The following LEPR variants were observed in gnomAD, a reference collection of about 807,000 sequenced individuals.
LEPR encodes leptin receptor, also known as OB receptor.
In LEPR, 56 loss-of-function variants were observed where a neutral mutation model predicts 114.7. The ratio of observed to expected loss-of-function variants is 0.49; its 90% CI spans 0.39 to 0.61. LEPR has a LOEUF of 0.61. LEPR is among the 20% of genes least tolerant of loss of function. The pLI, the probability that LEPR is intolerant of heterozygous loss-of-function variation, is 0.00. For missense variants in LEPR, 1,202 were observed against 1,352.9 expected, an observed-to-expected ratio of 0.89 and a Z score of 1.75; for synonymous variants, 443 against 461.4, an observed-to-expected ratio of 0.96 and a Z score of 0.51.
At chr1:65,555,952 C>G (rs933905697) in intron 2 of LEPR, among the ~76,000 whole-genome samples, 2 of 152,144 alleles carry the variant, frequency 1.3e-5, no homozygotes, top group Admixed American at 1.3e-4. Flanking sequence ...TTTTAACTGT[C>G]AACAGAGAAT....
intron 2 of LEPR, among the ~76,000 whole-genome samples, chr1:65,468,042 G>A (rs1163945942): frequency 1.3e-5 from 2 of 152,198 alleles, no homozygotes; most frequent in African/African-American, 4.8e-5. Flanking sequence ...TCTGTGGGCT[G>A]CACCCACTGT....
chr1:65,556,259 ATACATTTCCTTTCTT>A (rs1652808714), intron 2 of LEPR, among the ~76,000 whole-genome samples: 1 of 152,086 alleles, frequency 6.6e-6, no homozygotes, highest in Non-Finnish European at 1.5e-5. Flanking sequence ...ATTGTGAGCA[ATACATTTCCTTTCTT>A]TATAAGCCAC....
intron 2 of LEPR, among the ~76,000 whole-genome samples, chr1:65,519,113 TTCCTTCCTTC>T (rs1649496762): frequency 1.6e-5 from 1 of 61,468 alleles, no homozygotes; most frequent in Admixed American, 1.6e-4. Context: ...CTCTCTCTCC[TTCCTTCCTTC>T]CTTCCTTCCT....
intron 2 of LEPR, among the ~76,000 whole-genome samples, chr1:65,436,921 A>C (rs1281980818): frequency 6.6e-6 from 1 of 152,160 alleles, no homozygotes; most frequent in Non-Finnish European, 1.5e-5. Flanking sequence ...CAACACTTTC[A>C]TTTCCTCTGT....
intron 2 of LEPR, among the ~76,000 whole-genome samples, chr1:65,483,160 G>T (rs960135595): frequency 1.2e-4 from 18 of 151,992 alleles, no homozygotes; most frequent in Admixed American, 5.9e-4. Context: ...ACACTGTAAG[G>T]ACAGCAGAAA....
At chr1:65,433,477 A>G (rs1035345977) in intron 2 of LEPR, 25 of 985,328 alleles carry the variant, frequency 2.5e-5, no homozygotes, top group Non-Finnish European at 3.0e-5. Flanking sequence ...GAATACAACC[A>G]ATAGTCTTTA....
At chr1:65,627,669 C>A (rs1658298703) in intron 19 of LEPR, among the ~76,000 whole-genome samples, 1 of 151,992 alleles carries the variant, frequency 6.6e-6, no homozygotes, top group Non-Finnish European at 1.5e-5. Flanking sequence ...ATACTCATAG[C>A]AGTATTATTC....
chr1:65,541,459 A>G (rs1365154713), intron 2 of LEPR, among the ~76,000 whole-genome samples: 1 of 152,170 alleles, frequency 6.6e-6, no homozygotes, highest in East Asian at 1.9e-4. Context: ...CAGGAATTAA[A>G]GTACTTGAAA....
rs1023850404 is a variant in LEPR, at chr1:65,633,545, G to A, written c.2674-2646G>A. On this transcript the variant is annotated intron_variant, in intron 19 of 19. Coordinates refer to ENST00000349533, the MANE Select transcript of LEPR (RefSeq NM_002303.6). The surrounding 1 kb of genome is among the most constrained non-coding windows in gnomAD (Gnocchi z 4.1). Reference sequence around the variant, plus strand: ...CATCAAATATGTAGTAGACAATGCTGTAATTAGGTGAACTCTAAAACTGCA... The same window carrying A: ...CATCAAATATGTAGTAGACAATGCTATAATTAGGTGAACTCTAAAACTGCA... 4.9e-6 allele frequency: 5 copies of A among 1,014,272 alleles called. No homozygotes were observed. The highest frequency in any genetic ancestry group is 4.8e-4 in the Middle Eastern group (1 of 2,090). 62.8% of individuals were successfully genotyped at this position (1,014,272 alleles called of 1,614,324 possible).
chr1:65,512,823 G>A (rs977329115), intron 2 of LEPR, among the ~76,000 whole-genome samples: 2 of 152,238 alleles, frequency 1.3e-5, no homozygotes, highest in South Asian at 2.1e-4. Flanking sequence ...AGTAAAACAG[G>A]ATCTCATTGA....
At chr1:65,573,580 T>G (rs779987197) in intron 5 of LEPR, among the ~76,000 whole-genome samples, 1 of 152,200 alleles carries the variant, frequency 6.6e-6, no homozygotes, top group African/African-American at 2.4e-5. Context: ...TATACACCAT[T>G]TTTATGTCAA....
chr1:65,615,146 A>G (rs1043511820), intron 14 of LEPR, among the ~76,000 whole-genome samples: 8 of 152,104 alleles, frequency 5.3e-5, no homozygotes, highest in African/African-American at 1.4e-4. Flanking sequence ...GGATACATGT[A>G]TATGTGTTTA....
intron 5 of LEPR, chr1:65,576,891 C>T (rs1000264391): frequency 5.8e-6 from 2 of 343,310 alleles, no homozygotes; most frequent in East Asian, 8.6e-5. Context: ...GTTTTCTCCT[C>T]TCCAGATATC....
chr1:65,618,031 A>G lies in LEPR; in HGVS notation c.2280A>G (p.Leu760=). 1 of 1,613,124 alleles carries G rather than the reference A, an allele frequency of 6.2e-7. No individual in the cohort carries two copies. Among genetic ancestry groups the G allele is most frequent in the Non-Finnish European group, 8.5e-7 (1 of 1,179,548 alleles). The change falls in exon 16 of 20, where the codon CTA becomes CTG. Residue 760 remains leucine (L), a synonymous_variant. Coordinates refer to ENST00000349533, the MANE Select transcript of LEPR (RefSeq NM_002303.6). ...GTTGTGTGATTGTTTCCTGGATACT[A>G]TCACCCAGTGATTACAAGCTAATGT... ...NSSCVIVSWI[L]SPSDYKLMYF...
chr1:65,460,418 G>A (rs1398331052), intron 2 of LEPR, among the ~76,000 whole-genome samples: 1 of 152,020 alleles, frequency 6.6e-6, no homozygotes, highest in Non-Finnish European at 1.5e-5. Context: ...AAATAATTGA[G>A]CTTTTGTTAT....
At position 65,572,315 on chromosome 1, in the gene LEPR, T is replaced by TAAA; in HGVS notation, c.371-11_371-10insAAA. ...GTTTTTTTTTTTTTTTTTTTTTTTT[T>TAAA]TTAAATTCAGATGCAAACTGGAACA... On this transcript the variant is annotated splice_polypyrimidine_tract_variant and intron_variant, in intron 4 of 19. Coordinates refer to ENST00000349533, the MANE Select transcript of LEPR (RefSeq NM_002303.6). 1.4e-6 allele frequency: 2 copies of TAAA among 1,469,962 alleles called. No individual in the cohort carries two copies. Among genetic ancestry groups the TAAA allele is most frequent in the Non-Finnish European group, 9.0e-7 (1 of 1,110,624 alleles). 91.1% of individuals were successfully genotyped at this position (1,469,962 alleles called of 1,614,324 possible).
chr1:65,437,686 G>A (rs1425750745), intron 2 of LEPR, among the ~76,000 whole-genome samples: 4 of 152,046 alleles, frequency 2.6e-5, no homozygotes, highest in Non-Finnish European at 1.5e-5. Context: ...AAAAAACTAG[G>A]TAAATAAAGT....
At chr1:65,529,258 C>A (rs953978158) in intron 2 of LEPR, among the ~76,000 whole-genome samples, 1 of 151,972 alleles carries the variant, frequency 6.6e-6, no homozygotes, top group African/African-American at 2.4e-5. Flanking sequence ...TGGTGCCTCA[C>A]GCCTGTAATC....
chr1:65,618,190 T>C, intron 16 of LEPR, 44 bp downstream of exon 16: 1 of 1,540,514 alleles, frequency 6.5e-7, no homozygotes, highest in Non-Finnish European at 8.9e-7. Context: ...TGGATTAATA[T>C]GACACTACAG....
Sources: gnomAD v4.1 joint callset for allele counts (sites outside exome capture counted in the v4.1 genomes callset) on GRCh38, gnomAD v4.1.1 for gene constraint, Gnocchi (gnomAD v3.1) non-coding constraint, MANE v1.5 for transcripts, NCBI Gene and HGNC (gene_info 2026-07-23, HGNC 2026-07-21) for gene names.